DUSP4: variants seen among roughly 807,000 people sequenced by gnomAD.
DUSP4 encodes the protein dual specificity protein phosphatase 4.
A neutral mutation model predicts 27.2 loss-of-function variants in DUSP4; 12 were observed. That is an observed-to-expected ratio of 0.44 (90% CI 0.28 to 0.71). DUSP4 has a LOEUF of 0.71. Among genes scored for constraint, DUSP4 ranks in the 30% least tolerant of loss-of-function variants. The probability of loss-of-function intolerance (pLI) is 0.14; values close to 1 mark genes in which losing one functional copy is unlikely to be tolerated. For missense variants in DUSP4, 448 were observed against 551.3 expected, an observed-to-expected ratio of 0.81 and a Z score of 1.88; for synonymous variants, 257 against 245.2, an observed-to-expected ratio of 1.05 and a Z score of -0.45.
chr8:29,337,428 A>G lies in DUSP4; in HGVS notation c.800-17T>C. On this transcript the variant is annotated splice_polypyrimidine_tract_variant and intron_variant, in intron 3 of 3. Transcript: ENST00000240100. The surrounding 1 kb of genome is among the most constrained non-coding windows in gnomAD (Gnocchi z 6.4). Reference sequence around the variant, plus strand: ...TCACGGCATCTGGGGACAGGGTTCAATAGGTTAGTGCACGTTTCTGCAGAC... The same window carrying G: ...TCACGGCATCTGGGGACAGGGTTCAGTAGGTTAGTGCACGTTTCTGCAGAC... The G allele has an allele frequency of 6.3e-7, 1 of 1,588,374 alleles. No homozygotes were observed. The highest frequency in any genetic ancestry group is 2.2e-5 in the East Asian group (1 of 44,770).
rs1197418223 is a variant in DUSP4, at chr8:29,334,025, G to C, written c.*3001C>G. The C allele has an allele frequency of 6.6e-6, 1 of 152,252 alleles. No individual in the cohort carries two copies. The highest frequency in any genetic ancestry group is 2.4e-5 in the African/African-American group (1 of 41,448). The allele number at this position is 152,252 out of a possible 1,614,324, so 9.4% of individuals were successfully genotyped here. Reference sequence around the variant, plus strand: ...GAATGATGGGAGCTGGGGCCTACCAGTCACCTGCTCTTCAGCCTAATACTG... The same window carrying C: ...GAATGATGGGAGCTGGGGCCTACCACTCACCTGCTCTTCAGCCTAATACTG... On this transcript the variant is annotated 3_prime_UTR_variant, in exon 4 of 4. Transcript: ENST00000240100.
chr8:29,343,024 C>T (rs552854465), intron 1 of DUSP4, among the ~76,000 whole-genome samples: 9 of 152,044 alleles, frequency 5.9e-5, no homozygotes, highest in South Asian at 4.2e-4. Flanking sequence ...AAAAATTAGC[C>T]GGGCGTGGTG....
chr8:29,347,441 T>A (rs1817751989), intron 1 of DUSP4, among the ~76,000 whole-genome samples: 1 of 152,176 alleles, frequency 6.6e-6, no homozygotes, highest in South Asian at 2.1e-4. Flanking sequence ...CTAAACCGAA[T>A]AGGGCCCAGT....
At chr8:29,349,500 C>G (rs1219145010) in intron 1 of DUSP4, among the ~76,000 whole-genome samples, 1 of 152,222 alleles carries the variant, frequency 6.6e-6, no homozygotes, top group Non-Finnish European at 1.5e-5. Flanking sequence ...TCCCCACGCG[C>G]CCCGTGGTAC....
chr8:29,339,530 C>T (rs576462622), intron 2 of DUSP4, among the ~76,000 whole-genome samples: 9 of 152,142 alleles, frequency 5.9e-5, no homozygotes, highest in South Asian at 2.1e-4. Context: ...CTCACTTGTC[C>T]GGACACGACG....
intron 1 of DUSP4, chr8:29,345,371 T>A: frequency 4.3e-6 from 7 of 1,613,842 alleles, no homozygotes; most frequent in Non-Finnish European, 5.1e-6. Context: ...ACTTCTCACC[T>A]TGAGACTCTG....
chr8:29,348,323 C>G (rs1299313740), intron 1 of DUSP4: 3 of 985,508 alleles, frequency 3.0e-6, no homozygotes, highest in Non-Finnish European at 3.6e-6. Context: ...ATGGCGCGGA[C>G]GCCCACCCTG....
chr8:29,346,498 A>T (rs1305466131), intron 1 of DUSP4, among the ~76,000 whole-genome samples: 1 of 152,254 alleles, frequency 6.6e-6, no homozygotes, highest in African/African-American at 2.4e-5. Flanking sequence ...CTCAAACTCT[A>T]ATCCAAGGAT....
chr8:29,348,571 A>T (rs1328648853), intron 1 of DUSP4: 19 of 985,568 alleles, frequency 1.9e-5, no homozygotes, highest in Non-Finnish European at 2.3e-5. Flanking sequence ...GGCAGGAAAC[A>T]ACTGCGGGGA....
Position 29,337,408 on chromosome 8 carries a change from G to A in DUSP4, c.803C>T (p.Ala268Val), listed in dbSNP as rs771553603. Reference sequence around the variant, plus strand: ...CACGCGCCCACGGCAGTCCTTCACGGCATCTGGGGACAGGGTTCAATAGGT... The same window carrying A: ...CACGCGCCCACGGCAGTCCTTCACGACATCTGGGGACAGGGTTCAATAGGT... ...WFMEAIEYID[A>V]VKDCRGRVLV... The change falls in exon 4 of 4, where the codon GCC becomes GTC. Residue 268 changes from alanine (A) to valine (V), a missense_variant. By Grantham distance (64) the Ala-to-Val change is moderately conservative. Transcript: ENST00000240100. The surrounding 1 kb of genome is among the most constrained non-coding windows in gnomAD (Gnocchi z 6.4). 1.9e-6 allele frequency: 3 copies of A among 1,601,850 alleles called. No individual in the cohort carries two copies. Among genetic ancestry groups the A allele is most frequent in the East Asian group, 4.5e-5 (2 of 44,834 alleles).
At chr8:29,348,443 C>T in intron 1 of DUSP4, 1 of 979,138 alleles carries the variant, frequency 1.0e-6, no homozygotes, top group Non-Finnish European at 1.2e-6. Flanking sequence ...GGACTGGGCT[C>T]ATTTGGAGGA....
chr8:29,350,078 C>A lies in DUSP4; in HGVS notation c.201G>T (p.Val67=). The stretch of plus-strand genomic sequence containing the variant: ...GCCGCCGCACGATGGTGTTACAGCG[C>A]ACGTTGACCGAACCTAGGATGTAGC... ...SAGYILGSVN[V]RCNTIVRRRA... Residue 67 remains valine, a synonymous_variant, in exon 1 of 4, where the codon GTG becomes GTT. Coordinates refer to ENST00000240100, the MANE Select transcript of DUSP4 (RefSeq NM_001394.7). 2 of 1,606,330 alleles carry A rather than the reference C, an allele frequency of 1.2e-6. No individual in the cohort carries two copies. Among genetic ancestry groups the A allele is most frequent in the Non-Finnish European group, 1.7e-6 (2 of 1,177,748 alleles).
chr8:29,339,619 A>C (rs998194973), intron 2 of DUSP4, among the ~76,000 whole-genome samples: 2 of 152,170 alleles, frequency 1.3e-5, no homozygotes, highest in Non-Finnish European at 2.9e-5. Context: ...GAAGATTTCC[A>C]AGAAGTAAAT....
At chr8:29,345,566 G>A (rs199880698) in intron 1 of DUSP4, 3 of 1,523,158 alleles carry the variant, frequency 2.0e-6, no homozygotes, top group Middle Eastern at 1.7e-4. Flanking sequence ...CTGCCTCCCG[G>A]TAAGGAAATC....
chr8:29,343,888 T>G (rs1817689744), intron 1 of DUSP4, among the ~76,000 whole-genome samples: 1 of 152,206 alleles, frequency 6.6e-6, no homozygotes, highest in African/African-American at 2.4e-5. Flanking sequence ...CTAAGGTGAC[T>G]TCCACTCAGT....
At chr8:29,343,433 C>CATTTAT (rs1563862149) in intron 1 of DUSP4, among the ~76,000 whole-genome samples, 1 of 152,128 alleles carries the variant, frequency 6.6e-6, no homozygotes, top group Admixed American at 6.5e-5. Flanking sequence ...TGCAAGTTAG[C>CATTTAT]ATTTATCCAT....
chr8:29,338,163 G>A, intron 3 of DUSP4, 119 bp downstream of exon 3: 2 of 1,018,540 alleles, frequency 2.0e-6, no homozygotes, highest in South Asian at 1.5e-5. Context: ...AGGAAGAGGG[G>A]GAATGGGGAC....
chr8:29,342,758 C>A (rs114840171), intron 1 of DUSP4, among the ~76,000 whole-genome samples: 4 of 152,326 alleles, frequency 2.6e-5, no homozygotes, highest in Non-Finnish European at 1.5e-5. Context: ...GAGGGCCATT[C>A]GTCATCTCCC....
Position 29,338,270 on chromosome 8 carries a change from G to C in DUSP4, c.799+12C>G. ...CCTCAAACCCAGGAACCCCAGAGCA[G>C]GGCCAGCCTACCGATGTACTCTATG... On this transcript the variant is annotated intron_variant, in intron 3 of 3. Coordinates refer to ENST00000240100, the MANE Select transcript of DUSP4 (RefSeq NM_001394.7). 1 of 1,613,616 alleles carries C rather than the reference G, an allele frequency of 6.2e-7. No homozygotes were observed.
Sources: allele counts gnomAD v4.1 joint callset (sites outside exome capture counted in the v4.1 genomes callset), GRCh38; gene constraint gnomAD v4.1.1; non-coding constraint Gnocchi (gnomAD v3.1); transcripts MANE v1.5; gene names NCBI Gene and HGNC (gene_info 2026-07-23, HGNC 2026-07-21).